Variants in ST18 observed in about 807,000 individuals in gnomAD.
ST18 encodes suppression of tumorigenicity 18 protein.
A neutral mutation model predicts 110.0 loss-of-function variants in ST18; 50 were observed. The observed-to-expected ratio is 0.45, with a 90% confidence interval of 0.36 to 0.58. The LOEUF (loss-of-function observed/expected upper bound fraction) is 0.58. Among genes scored for constraint, ST18 ranks in the 20% least tolerant of loss-of-function variants. The pLI, the probability that ST18 is intolerant of heterozygous loss-of-function variation, is 0.00. For synonymous variants in ST18, 461 were observed against 452.4 expected, an observed-to-expected ratio of 1.02 and a Z score of -0.24; for missense variants, 1,306 against 1,280.1, an observed-to-expected ratio of 1.02 and a Z score of -0.31.
chr8:52,327,197 C>T lies in ST18; in HGVS notation c.-465+82131G>A, dbSNP rs759166109. ...CATGTACTCATAAGGATCTCCAGAA[C>T]GTTTTCCAGATATAGTCATCTCTTG... On this transcript the variant is annotated intron_variant, in intron 2 of 25. Transcript: ENST00000689386. Among the ~76,000 whole-genome samples, 6 of 152,210 alleles carry T rather than the reference C, an allele frequency of 3.9e-5. No homozygotes were observed. The South Asian group carries it at 1.0e-3, about 26-fold the overall frequency.
At chr8:52,322,699 G>A (rs1482281037) in intron 2 of ST18, among the ~76,000 whole-genome samples, 1 of 152,154 alleles carries the variant, frequency 6.6e-6, no homozygotes, top group Non-Finnish European at 1.5e-5. Flanking sequence ...TTCCAGTAGA[G>A]TAGATAAAAT....
At chr8:52,239,675 A>G (rs2093175533) in intron 2 of ST18, among the ~76,000 whole-genome samples, 1 of 152,174 alleles carries the variant, frequency 6.6e-6, no homozygotes, top group Non-Finnish European at 1.5e-5. Context: ...TATGATCCAA[A>G]CGCATGACTT....
chr8:52,122,607 T>C (rs1586284152), intron 23 of ST18, among the ~76,000 whole-genome samples: 1 of 152,026 alleles, frequency 6.6e-6, no homozygotes, highest in East Asian at 1.9e-4. Flanking sequence ...CTCAGCCTCC[T>C]GAGTAGCTGG....
chr8:52,171,732 C>CT (rs1003130654), intron 10 of ST18, 60 bp downstream of exon 10: 17 of 1,556,512 alleles, frequency 1.1e-5, no homozygotes, highest in Admixed American at 7.4e-5. Context: ...TCAAATCTGA[C>CT]TTTTTTTTCA....
Position 52,111,131 on chromosome 8 carries a change from T to G in ST18, c.*2067A>C, listed in dbSNP as rs1341260106. ...TTCACAAAACATCCTGCTCAAACTA[T>G]GCAAACACAAATAAATTAACCTGAA... is the stretch of plus-strand genomic sequence containing the variant. On this transcript the variant is annotated 3_prime_UTR_variant, in exon 26 of 26. Coordinates refer to ENST00000689386, the MANE Select transcript of ST18 (RefSeq NM_001352837.2). 1 of 393,804 alleles carries G rather than the reference T, an allele frequency of 2.5e-6. No homozygotes were observed. The highest frequency in any genetic ancestry group is 4.5e-6 in the Non-Finnish European group (1 of 223,080). 24.4% of individuals were successfully genotyped at this position (393,804 alleles called of 1,614,324 possible).
intron 2 of ST18, among the ~76,000 whole-genome samples, chr8:52,399,823 C>T (rs1174337671): frequency 6.6e-6 from 1 of 151,970 alleles, no homozygotes; most frequent in African/African-American, 2.4e-5. Context: ...TTCTATGGGA[C>T]TGACATAGGG....
intron 23 of ST18, among the ~76,000 whole-genome samples, chr8:52,122,048 G>T (rs567653997): frequency 6.6e-6 from 1 of 152,260 alleles, no homozygotes; most frequent in Admixed American, 6.5e-5. Context: ...GTTTCACCAT[G>T]TTGGTCAGGA....
At chr8:52,246,258 T>C (rs1183042688) in intron 2 of ST18, among the ~76,000 whole-genome samples, 1 of 151,956 alleles carries the variant, frequency 6.6e-6, no homozygotes, top group Non-Finnish European at 1.5e-5. Flanking sequence ...AGGGAAAACT[T>C]AAACCAAATT....
intron 2 of ST18, among the ~76,000 whole-genome samples, chr8:52,243,160 C>T (rs2093577247): frequency 6.6e-6 from 1 of 152,112 alleles, no homozygotes; most frequent in Admixed American, 6.6e-5. Flanking sequence ...GCTAAATATA[C>T]ATGTCTTACA....
At chr8:52,390,896 C>A (rs1839107599) in intron 2 of ST18, among the ~76,000 whole-genome samples, 1 of 152,218 alleles carries the variant, frequency 6.6e-6, no homozygotes, top group Non-Finnish European at 1.5e-5. Context: ...CGGGCAGAGG[C>A]CACTTGGTAA....
chr8:52,279,103 T>C (rs191617088), intron 2 of ST18, among the ~76,000 whole-genome samples: 37 of 152,260 alleles, frequency 2.4e-4, no homozygotes, highest in African/African-American at 8.7e-4. Context: ...GTCGGACCCA[T>C]AAAGACTGAA....
intron 14 of ST18, among the ~76,000 whole-genome samples, 191 bp from the exon 15 acceptor site, chr8:52,159,300 G>T (rs2060817618): frequency 1.3e-5 from 2 of 152,124 alleles, no homozygotes; most frequent in Non-Finnish European, 2.9e-5. Flanking sequence ...CAGAACAAAT[G>T]ACATAATTGC....
intron 15 of ST18, chr8:52,154,713 C>T (rs1305984118): frequency 6.6e-6 from 1 of 152,062 alleles, no homozygotes; most frequent in African/African-American, 2.4e-5. Context: ...ATGCATCTTA[C>T]AACCAAGTTC....
At chr8:52,222,474 G>A (rs1020526106) in intron 3 of ST18, among the ~76,000 whole-genome samples, 13 of 152,224 alleles carry the variant, frequency 8.5e-5, no homozygotes, top group Admixed American at 5.9e-4. Context: ...CCCTGGGGAA[G>A]AGAGTGAAGG....
chr8:52,384,977 G>A (rs943431899), intron 2 of ST18, among the ~76,000 whole-genome samples: 1 of 152,158 alleles, frequency 6.6e-6, no homozygotes, highest in Admixed American at 6.5e-5. Context: ...TTCATTTCAA[G>A]AGAAACATAC....
At chr8:52,119,237 C>T (rs2043722744) in intron 23 of ST18, among the ~76,000 whole-genome samples, 1 of 152,178 alleles carries the variant, frequency 6.6e-6, no homozygotes, top group African/African-American at 2.4e-5. Flanking sequence ...GCCACAGGCT[C>T]TCAGTGAATG....
At position 52,316,246 on chromosome 8, in the gene ST18, A is replaced by T. The variant is rs151271273; in HGVS notation, c.-464-86169T>A. On this transcript the variant is annotated intron_variant, in intron 2 of 25. Coordinates refer to ENST00000689386, the MANE Select transcript of ST18 (RefSeq NM_001352837.2). Reference sequence around the variant, plus strand: ...ACATCATTGAATGTGCCTCCCTTTAAGCAAATATTTCTTGAGAGCAAATAT... The same window carrying T: ...ACATCATTGAATGTGCCTCCCTTTATGCAAATATTTCTTGAGAGCAAATAT... 6.0e-3 allele frequency among the ~76,000 whole-genome samples: 912 copies of T among 152,318 alleles called. 7 individuals are homozygous for T. Among genetic ancestry groups the T allele is most frequent in the African/African-American group, 0.021 (864 of 41,566 alleles).
chr8:52,204,515 G>C (rs558244495), intron 8 of ST18, among the ~76,000 whole-genome samples: 231 of 152,288 alleles, frequency 1.5e-3, no homozygotes, highest in South Asian at 0.011. Flanking sequence ...TCCCAAGCTG[G>C]ACGTGATCTA....
intron 2 of ST18, among the ~76,000 whole-genome samples, chr8:52,379,332 A>G (rs913976132): frequency 2.6e-5 from 4 of 151,172 alleles, no homozygotes; most frequent in Non-Finnish European, 4.4e-5. Flanking sequence ...TCCTGACCTC[A>G]AGTGAACCAC....
Sources: gnomAD v4.1 joint callset for allele counts (sites outside exome capture counted in the v4.1 genomes callset) on GRCh38, gnomAD v4.1.1 for gene constraint, MANE v1.5 for transcripts, NCBI Gene and HGNC (gene_info 2026-07-23, HGNC 2026-07-21) for gene names.